The following ADAMTS17 variants were observed in gnomAD, a reference collection of about 807,000 sequenced individuals.
ADAMTS17 encodes ADAM metallopeptidase with thrombospondin type 1 motif 17.
In ADAMTS17, 113 loss-of-function variants were observed where a neutral mutation model predicts 141.5. That is an observed-to-expected ratio of 0.80 (90% CI 0.69 to 0.93). ADAMTS17 has a LOEUF of 0.93. Ranked by LOEUF, ADAMTS17 falls within the 40% of genes least tolerant of loss-of-function variation. The pLI, the probability that ADAMTS17 is intolerant of heterozygous loss-of-function variation, is 0.00. For missense variants in ADAMTS17, 1,659 were observed against 1,517.9 expected (o/e 1.09, Z -1.54); for synonymous variants, 768 against 630.6 (o/e 1.22, Z -3.27).
intron 7 of ADAMTS17, among the ~76,000 whole-genome samples, chr15:100,213,942 CT>C (rs1371615608): frequency 6.6e-6 from 1 of 152,222 alleles, no homozygotes; most frequent in African/African-American, 2.4e-5. Flanking sequence ...CATGGTAGCT[CT>C]TTTTTTCTCC....
chr15:100,074,034 C>T (rs2034186808), intron 15 of ADAMTS17: 1 of 152,286 alleles, frequency 6.6e-6, no homozygotes, highest in Non-Finnish European at 1.5e-5. Flanking sequence ...AATAATATCA[C>T]AATAATATCT....
At chr15:100,248,502 T>G (rs570493827) in intron 7 of ADAMTS17, among the ~76,000 whole-genome samples, 1 of 152,258 alleles carries the variant, frequency 6.6e-6, no homozygotes, top group South Asian at 2.1e-4. Context: ...GTCACCTCCC[T>G]CTTCTCACCC....
At chr15:100,125,167 G>A (rs2037666153) in intron 12 of ADAMTS17, among the ~76,000 whole-genome samples, 1 of 152,244 alleles carries the variant, frequency 6.6e-6, no homozygotes, top group Non-Finnish European at 1.5e-5. Flanking sequence ...GCTCTGAGAA[G>A]AGAGCAGGGC....
intron 10 of ADAMTS17, among the ~76,000 whole-genome samples, chr15:100,151,276 C>G (rs533509153): frequency 7.1e-4 from 108 of 152,324 alleles, no homozygotes; most frequent in African/African-American, 2.2e-3. Context: ...TTTGGGGAAA[C>G]AGCCAGTAGG....
intron 8 of ADAMTS17, among the ~76,000 whole-genome samples, chr15:100,174,323 A>G (rs2040261542): frequency 6.6e-6 from 1 of 150,574 alleles, no homozygotes; most frequent in East Asian, 1.9e-4. Flanking sequence ...CCAATGTTTC[A>G]TCTAGATAGT....
At chr15:100,284,450 G>A (rs2044382433) in intron 3 of ADAMTS17, among the ~76,000 whole-genome samples, 1 of 152,234 alleles carries the variant, frequency 6.6e-6, no homozygotes, top group South Asian at 2.1e-4. Flanking sequence ...ACAGCCCCAT[G>A]TGAGTGCAGG....
At chr15:100,258,580 A>T (rs751302370) in intron 6 of ADAMTS17, among the ~76,000 whole-genome samples, 21 of 151,944 alleles carry the variant, frequency 1.4e-4, no homozygotes, top group South Asian at 2.1e-4. Flanking sequence ...GCAGGGAAAC[A>T]CCCCCTTATA....
chr15:100,269,442 A>G (rs1226868416), intron 4 of ADAMTS17, among the ~76,000 whole-genome samples: 4 of 152,112 alleles, frequency 2.6e-5, no homozygotes, highest in African/African-American at 4.8e-5. Flanking sequence ...TGATTGATTG[A>G]CTGATCTTTA....
intron 4 of ADAMTS17, among the ~76,000 whole-genome samples, chr15:100,279,291 T>C (rs79701111): frequency 3.2e-3 from 488 of 152,244 alleles, no homozygotes; most frequent in African/African-American, 0.011. Flanking sequence ...CCCCAGCACT[T>C]ACCCCTGAGC....
intron 4 of ADAMTS17, among the ~76,000 whole-genome samples, chr15:100,270,724 A>G (rs571602030): frequency 3.0e-4 from 30 of 100,284 alleles, no homozygotes; most frequent in Non-Finnish European, 4.8e-4. Context: ...GGTGATATGT[A>G]GGATGTTTTT....
intron 8 of ADAMTS17, among the ~76,000 whole-genome samples, chr15:100,164,150 C>T (rs1322469626): frequency 1.3e-5 from 2 of 152,196 alleles, no homozygotes; most frequent in East Asian, 3.9e-4. Context: ...TCCAGGGACA[C>T]GTGCATACAC....
At chr15:100,162,200 G>T (rs1225440305) in intron 8 of ADAMTS17, among the ~76,000 whole-genome samples, 1 of 152,000 alleles carries the variant, frequency 6.6e-6, no homozygotes, top group Non-Finnish European at 1.5e-5. Context: ...GAAGTGACAA[G>T]CAAGTACTCA....
Position 99,993,024 on chromosome 15 carries a change from G to C in ADAMTS17, c.2949+24C>G, listed in dbSNP as rs1015200955. ...AGCCCCCTGCACTGCGGCACGGAGA[G>C]AAATGCCAGCAGGCTGCTCTCACCG... On this transcript the variant is annotated intron_variant, in intron 20 of 21. Coordinates refer to ENST00000268070, the MANE Select transcript of ADAMTS17 (RefSeq NM_139057.4). The surrounding 1 kb of genome is among the most constrained non-coding windows in gnomAD (Gnocchi z 4.3). 11 of 1,613,830 alleles carry C rather than the reference G, an allele frequency of 6.8e-6. 1 individual carries two copies. In the Admixed American group the frequency reaches 1.0e-4, roughly 15 times the overall value.
intron 10 of ADAMTS17, among the ~76,000 whole-genome samples, chr15:100,144,406 C>T (rs865789212): frequency 4.7e-4 from 71 of 152,114 alleles, no homozygotes; most frequent in African/African-American, 1.7e-3. Context: ...AAAAATTAGC[C>T]GGGCGTGGTG....
intron 3 of ADAMTS17, among the ~76,000 whole-genome samples, chr15:100,299,497 C>G (rs2044948793): frequency 6.7e-6 from 1 of 148,754 alleles, no homozygotes; most frequent in South Asian, 2.1e-4. Context: ...GTTTTACCTT[C>G]TAAATTGATG....
intron 15 of ADAMTS17, among the ~76,000 whole-genome samples, chr15:100,057,712 G>C (rs1021037243): frequency 1.3e-5 from 2 of 152,174 alleles, no homozygotes; most frequent in Non-Finnish European, 2.9e-5. Flanking sequence ...CCCAAACAGG[G>C]GGACTTTTGT....
At chr15:100,198,339 T>G (rs2041198267) in intron 8 of ADAMTS17, among the ~76,000 whole-genome samples, 1 of 152,210 alleles carries the variant, frequency 6.6e-6, no homozygotes, top group Non-Finnish European at 1.5e-5. Flanking sequence ...GGCAAATGCT[T>G]GAGAAAAACA....
intron 20 of ADAMTS17, among the ~76,000 whole-genome samples, chr15:99,977,238 G>A (rs940107091): frequency 2.7e-5 from 4 of 150,446 alleles, no homozygotes; most frequent in Non-Finnish European, 5.9e-5. Flanking sequence ...CCAGCATGAG[G>A]AGGTGCCGTG....
Position 99,997,374 on chromosome 15 carries a change from C to A in ADAMTS17, c.2796+11G>T. ...TGTGGCTGAGTCCTGGTGGCAAGCC[C>A]AGGCACCCACCTGTGACCACTCAGA... On this transcript the variant is annotated intron_variant, in intron 19 of 21. Coordinates refer to ENST00000268070, the MANE Select transcript of ADAMTS17 (RefSeq NM_139057.4). The surrounding 1 kb of genome is among the most constrained non-coding windows in gnomAD (Gnocchi z 4.7). 1 of 1,613,614 alleles carries A rather than the reference C, an allele frequency of 6.2e-7. No individual in the cohort carries two copies. The highest frequency in any genetic ancestry group is 8.5e-7 in the Non-Finnish European group (1 of 1,179,994).
Sources: gnomAD v4.1 joint callset for allele counts (sites outside exome capture counted in the v4.1 genomes callset) on GRCh38, gnomAD v4.1.1 for gene constraint, Gnocchi (gnomAD v3.1) non-coding constraint, MANE v1.5 for transcripts, NCBI Gene and HGNC (gene_info 2026-07-23, HGNC 2026-07-21) for gene names.